RCL1: variants seen among roughly 807,000 people sequenced by gnomAD.
RCL1 encodes RNA 3'-terminal phosphate cyclase-like protein.
Under a neutral mutation model 42.4 loss-of-function variants are expected in RCL1, and 24 were observed. That is an observed-to-expected ratio of 0.57 (90% CI 0.41 to 0.80). The LOEUF is 0.80. Among genes scored for constraint, RCL1 ranks in the 30% least tolerant of loss-of-function variants. The pLI is 0.00. For missense variants in RCL1, 578 were observed against 467.9 expected (o/e 1.24, Z -2.17); for synonymous variants, 228 against 177.3 (o/e 1.29, Z -2.27).
intron 1 of RCL1, among the ~76,000 whole-genome samples, chr9:4,808,070 G>A (rs182539290): frequency 6.6e-6 from 1 of 151,696 alleles, no homozygotes; most frequent in Non-Finnish European, 1.5e-5. Context: ...AGATCCTATC[G>A]GTTCATGGTG....
chr9:4,800,377 G>T (rs1008404785), intron 1 of RCL1, among the ~76,000 whole-genome samples: 1 of 151,948 alleles, frequency 6.6e-6, no homozygotes, highest in African/African-American at 2.4e-5. Context: ...ACCATGCCCA[G>T]ATAATTTTTG....
intron 7 of RCL1, among the ~76,000 whole-genome samples, chr9:4,845,552 A>G (rs1367582258): frequency 1.3e-5 from 2 of 152,258 alleles, no homozygotes; most frequent in Non-Finnish European, 2.9e-5. Flanking sequence ...ACAGTTTCCT[A>G]AAAGATATAT....
At chr9:4,849,598 T>C (rs2129707214) in intron 8 of RCL1, 48 bp downstream of exon 8, 2 of 1,400,004 alleles carry the variant, frequency 1.4e-6, no homozygotes, top group East Asian at 4.6e-5. Context: ...TGTAATTTTC[T>C]CATTGCCCAA....
chr9:4,795,657 A>G (rs1446114932), intron 1 of RCL1, among the ~76,000 whole-genome samples: 1 of 152,200 alleles, frequency 6.6e-6, no homozygotes, highest in Non-Finnish European at 1.5e-5. Flanking sequence ...AACTCAGAGC[A>G]TATCCAATAA....
chr9:4,831,147 G>A (rs371698586), intron 3 of RCL1, among the ~76,000 whole-genome samples: 23 of 152,250 alleles, frequency 1.5e-4, no homozygotes, highest in Non-Finnish European at 2.5e-4. Context: ...TTGTCCCACC[G>A]CACCAAGTTG....
At chr9:4,809,559 C>T (rs925118431) in intron 1 of RCL1, among the ~76,000 whole-genome samples, 11 of 152,170 alleles carry the variant, frequency 7.2e-5, no homozygotes, top group South Asian at 2.1e-4. Context: ...TCGCCCGCCT[C>T]GGCCTCCCAG....
chr9:4,812,141 C>T (rs1200861039), intron 1 of RCL1, among the ~76,000 whole-genome samples: 2 of 152,038 alleles, frequency 1.3e-5, no homozygotes, highest in Non-Finnish European at 2.9e-5. Flanking sequence ...CATAGCTTCA[C>T]TCCAATGGTT....
intron 1 of RCL1, among the ~76,000 whole-genome samples, chr9:4,793,647 T>A (rs1402585670): frequency 6.6e-6 from 1 of 152,130 alleles, no homozygotes; most frequent in African/African-American, 2.4e-5. Context: ...GTACCTTGGG[T>A]TGGTTCTCTG....
At chr9:4,849,113 A>G (rs1417488385) in intron 7 of RCL1, among the ~76,000 whole-genome samples, 2 of 149,490 alleles carry the variant, frequency 1.3e-5, no homozygotes, top group African/African-American at 4.9e-5. Flanking sequence ...TTTTGCATAT[A>G]CTCAATAAAG....
At chr9:4,848,771 G>A (rs943287220) in intron 7 of RCL1, among the ~76,000 whole-genome samples, 2 of 152,194 alleles carry the variant, frequency 1.3e-5, no homozygotes, top group Non-Finnish European at 2.9e-5. Flanking sequence ...TGTTTGAAGA[G>A]AAGTCTGTTC....
chr9:4,828,970 A>G (rs1190979335), intron 3 of RCL1, among the ~76,000 whole-genome samples: 2 of 152,168 alleles, frequency 1.3e-5, no homozygotes, highest in African/African-American at 2.4e-5. Context: ...AGCTCATTCC[A>G]TGGCTCCTTC....
chr9:4,808,928 G>C (rs1449163326), intron 1 of RCL1, among the ~76,000 whole-genome samples: 1 of 152,174 alleles, frequency 6.6e-6, no homozygotes, highest in Non-Finnish European at 1.5e-5. Context: ...ATTTAAAACT[G>C]AAAGTAATCT....
intron 1 of RCL1, among the ~76,000 whole-genome samples, chr9:4,816,171 A>G (rs1255642049): frequency 6.6e-6 from 1 of 152,044 alleles, no homozygotes; most frequent in Non-Finnish European, 1.5e-5. Context: ...TGAAGTCTCC[A>G]TTCAGATATT....
intron 1 of RCL1, among the ~76,000 whole-genome samples, chr9:4,820,014 C>A (rs1816535270): frequency 1.3e-5 from 2 of 152,204 alleles, no homozygotes; most frequent in Non-Finnish European, 2.9e-5. Flanking sequence ...ATCTGTACAT[C>A]TTTTAGCTAT....
In RCL1 at chr9:4,826,910, T is replaced by C. The variant is rs542743874; in HGVS notation, c.261T>C (p.His87=). ...TCCTGTATGGTGGATCTGTGGAACA[T>C]GACTGTAGCGTCCTTCGTGGCATTG... The part of the protein sequence containing the change: ...PGLLYGGSVE[H]DCSVLRGIGY... Residue 87 remains histidine (H), a synonymous_variant, in exon 3 of 9, where the codon CAT becomes CAC. Transcript: ENST00000381750. 8.7e-6 allele frequency: 14 copies of C among 1,614,188 alleles called. No individual in the cohort carries two copies. In the Admixed American group the frequency reaches 2.0e-4, roughly 23 times the overall value.
chr9:4,800,796 G>A (rs1842987955), intron 1 of RCL1, among the ~76,000 whole-genome samples: 1 of 151,788 alleles, frequency 6.6e-6, no homozygotes. Flanking sequence ...GGGATTACAG[G>A]TGTGCACCAC....
Position 4,793,123 on chromosome 9 carries a change from C to T in RCL1, c.32C>T (p.Ala11Val). 5 of 1,610,632 alleles carry T rather than the reference C, an allele frequency of 3.1e-6. No individual in the cohort carries two copies. Among genetic ancestry groups the T allele is most frequent in the Non-Finnish European group, 4.2e-6 (5 of 1,178,780 alleles). Residue 11 changes from alanine (A) to valine (V), a missense_variant, in exon 1 of 9, where the codon GCA becomes GTA. Coordinates refer to ENST00000381750, the MANE Select transcript of RCL1 (RefSeq NM_005772.5). MATQAHSLSY[A>V]GCNFLRQRLV... ...ACTCAGGCGCACTCCCTCAGCTACGCAGGGTGCAACTTCTTGCGCCAACGT... is the reference window on the plus strand; with the variant it reads ...ACTCAGGCGCACTCCCTCAGCTACGTAGGGTGCAACTTCTTGCGCCAACGT...
rs1461247805 is a variant in RCL1 at position 4,823,721 on chromosome 9, T to A, written c.208+102T>A. The stretch of plus-strand genomic sequence containing the variant: ...TTTTTTTTTCTAGTCAGTCTCTGCT[T>A]ATCCAAATCACTCTTTTTAATGGTA... On this transcript the variant is annotated intron_variant, in intron 2 of 8. Transcript: ENST00000381750. 6 of 724,156 alleles carry A rather than the reference T, an allele frequency of 8.3e-6. No homozygotes were observed. The Admixed American group carries it at 1.1e-4, about 13-fold the overall frequency. The allele number at this position is 724,156 out of a possible 1,614,324, so 44.9% of individuals were successfully genotyped here.
chr9:4,801,247 C>T (rs763684576), intron 1 of RCL1, among the ~76,000 whole-genome samples: 4 of 152,210 alleles, frequency 2.6e-5, no homozygotes, highest in African/African-American at 4.8e-5. Flanking sequence ...TCATGGCTCA[C>T]TACTGCCTCA....
Sources: gnomAD v4.1 joint callset for allele counts (sites outside exome capture counted in the v4.1 genomes callset) on GRCh38, gnomAD v4.1.1 for gene constraint, MANE v1.5 for transcripts, NCBI Gene and HGNC (gene_info 2026-07-23, HGNC 2026-07-21) for gene names.